The following IFFO2 variants were observed in gnomAD, a reference collection of about 807,000 sequenced individuals.
IFFO2 encodes the protein intermediate filament family orphan 2.
Under a neutral mutation model 53.5 loss-of-function variants are expected in IFFO2, and 19 were observed. The ratio of observed to expected loss-of-function variants is 0.36; its 90% CI spans 0.25 to 0.52. The LOEUF is 0.52. IFFO2 is among the 20% of genes least tolerant of loss of function. The pLI is 0.94. For missense variants in IFFO2, 570 were observed against 727.4 expected (o/e 0.78, Z 2.49); for synonymous variants, 303 against 313.6 (o/e 0.97, Z 0.36).
chr1:18,943,040 T>C (rs956204292), intron 1 of IFFO2, among the ~76,000 whole-genome samples: 3 of 152,010 alleles, frequency 2.0e-5, no homozygotes, highest in Non-Finnish European at 4.4e-5. Context: ...TAATATTTTA[T>C]TTAAAGGTAA....
chr1:18,929,392 A>G (rs1366169966), intron 1 of IFFO2, among the ~76,000 whole-genome samples: 1 of 152,214 alleles, frequency 6.6e-6, no homozygotes, highest in Non-Finnish European at 1.5e-5. Context: ...GGGCCCCCTC[A>G]GCAAGGACAC....
At position 18,920,323 on chromosome 1, in the gene IFFO2, A is replaced by G. The variant is rs1309107865; in HGVS notation, c.727-550T>C. Among the ~76,000 whole-genome samples, 4 of 152,240 alleles carry G rather than the reference A, an allele frequency of 2.6e-5. No homozygotes were observed. The East Asian group carries it at 7.7e-4, about 29-fold the overall frequency. The stretch of plus-strand genomic sequence containing the variant: ...AGCCCTTTCATTATAAAAGAAAGGG[A>G]GATATTCAACCTTTTCCTTCTACGC... On this transcript the variant is annotated intron_variant, in intron 2 of 8. Coordinates refer to ENST00000455833, the MANE Select transcript of IFFO2 (RefSeq NM_001136265.2).
At position 18,918,328 on chromosome 1, in the gene IFFO2, G is replaced by A; in HGVS notation, c.963+34C>T. The A allele has an allele frequency of 3.9e-6, 6 of 1,540,646 alleles. No homozygotes were observed. Among genetic ancestry groups the A allele is most frequent in the Non-Finnish European group, 5.3e-6 (6 of 1,137,904 alleles). Reference sequence around the variant, plus strand: ...GGCCAGGGCTGCTCTGGGAGAGTGGGGGGTTGGCTGGTGAGCAGGGCAGCC... The same window carrying A: ...GGCCAGGGCTGCTCTGGGAGAGTGGAGGGTTGGCTGGTGAGCAGGGCAGCC... On this transcript the variant is annotated intron_variant, in intron 4 of 8. Coordinates refer to ENST00000455833, the MANE Select transcript of IFFO2 (RefSeq NM_001136265.2). This position sits in a 1 kb window ranked among gnomAD's most constrained non-coding sequence, Gnocchi z 5.2.
intron 1 of IFFO2, among the ~76,000 whole-genome samples, chr1:18,929,537 G>A (rs1936344774): frequency 1.3e-5 from 2 of 152,170 alleles, no homozygotes; most frequent in Admixed American, 6.5e-5. Flanking sequence ...GATGAGCTGT[G>A]TGGGGTCATC....
In IFFO2 at chr1:18,919,808, C is replaced by T. The variant is rs1936191807; in HGVS notation, c.727-35G>A. ...CGGAGATGGGGAGGCTTCAGAGGGG[C>T]CGGGTCCTCTGGGGATAGGAGGGTC... On this transcript the variant is annotated intron_variant, in intron 2 of 8. Transcript: ENST00000455833. The surrounding 1 kb of genome is among the most constrained non-coding windows in gnomAD (Gnocchi z 4.9). The T allele has an allele frequency of 2.1e-6, 3 of 1,459,208 alleles. No homozygotes were observed. In the East Asian group the frequency reaches 7.4e-5, roughly 36 times the overall value. The allele number at this position is 1,459,208 out of a possible 1,614,324, so 90.4% of individuals were successfully genotyped here. A position where few individuals can be genotyped will look rare whatever the true frequency, so the allele number is the denominator to read the frequency against.
chr1:18,908,826 C>T (rs1053835374), intron 8 of IFFO2, among the ~76,000 whole-genome samples, 160 bp from the exon 9 acceptor site: 1 of 152,164 alleles, frequency 6.6e-6, no homozygotes, highest in Non-Finnish European at 1.5e-5. Context: ...ATCCTTTAAG[C>T]TCACGAGGTA....
intron 8 of IFFO2, among the ~76,000 whole-genome samples, chr1:18,908,986 G>A (rs755702399): frequency 2.6e-5 from 4 of 151,870 alleles, no homozygotes; most frequent in Non-Finnish European, 4.4e-5. Flanking sequence ...AGTAAAACCT[G>A]AATGACTCAG....
chr1:18,926,888 G>A (rs75847057), intron 1 of IFFO2, among the ~76,000 whole-genome samples: 5,832 of 152,238 alleles, frequency 0.038, 171 homozygotes, highest in Middle Eastern at 0.068. Context: ...CGAGGCTCCC[G>A]CTCAGGAGGA....
At chr1:18,927,885 G>A (rs1936324971) in intron 1 of IFFO2, among the ~76,000 whole-genome samples, 2 of 152,198 alleles carry the variant, frequency 1.3e-5, no homozygotes, top group Admixed American at 6.5e-5. Context: ...AACCACAACC[G>A]AGTCAACTTC....
At chr1:18,914,581 C>T (rs1936103283) in intron 5 of IFFO2, among the ~76,000 whole-genome samples, 1 of 151,956 alleles carries the variant, frequency 6.6e-6, no homozygotes, top group South Asian at 2.1e-4. Context: ...CTTCGGGAGG[C>T]CAAGGTGGGC....
At chr1:18,951,873 T>C (rs1267953455) in intron 1 of IFFO2, among the ~76,000 whole-genome samples, 1 of 152,058 alleles carries the variant, frequency 6.6e-6, no homozygotes, top group Admixed American at 6.5e-5. Flanking sequence ...GAACACAGTG[T>C]GGTCTCCAGA....
chr1:18,955,653 G>A lies in IFFO2; in HGVS notation c.665+15C>T, dbSNP rs1437290858. 10 of 1,559,044 alleles carry A rather than the reference G, an allele frequency of 6.4e-6. No individual in the cohort carries two copies. Among genetic ancestry groups the A allele is most frequent in the Non-Finnish European group, 8.6e-6 (10 of 1,157,940 alleles). ...CGCCCCGTCCCAGGGCGGCGGGGGA[G>A]GGGCGGCCACTCACCTCCGCTTATA... On this transcript the variant is annotated intron_variant, in intron 1 of 8. Transcript: ENST00000455833.
At position 18,916,873 on chromosome 1, in the gene IFFO2, G is replaced by A. The variant is rs1347377093; in HGVS notation, c.1103+30C>T. On this transcript the variant is annotated intron_variant, in intron 5 of 8. Transcript: ENST00000455833. This position sits in a 1 kb window ranked among gnomAD's most constrained non-coding sequence, Gnocchi z 4.3. Reference sequence around the variant, plus strand: ...CCCTGTGCAAGCAATCCGGGGAAACGGAGAGTGTGCGGGCCACGGGGATAC... The same window carrying A: ...CCCTGTGCAAGCAATCCGGGGAAACAGAGAGTGTGCGGGCCACGGGGATAC... The A allele has an allele frequency of 1.1e-5, 17 of 1,550,346 alleles. No homozygotes were observed. The highest frequency in any genetic ancestry group is 7.3e-5 in the East Asian group (3 of 40,910).
At chr1:18,940,998 C>T (rs768881870) in intron 1 of IFFO2, among the ~76,000 whole-genome samples, 3 of 152,118 alleles carry the variant, frequency 2.0e-5, no homozygotes, top group Admixed American at 6.5e-5. Context: ...GTGGTGGAAC[C>T]CAGTGGTGAT....
chr1:18,913,657 G>A (rs1464032212), intron 5 of IFFO2, among the ~76,000 whole-genome samples: 2 of 152,160 alleles, frequency 1.3e-5, no homozygotes, highest in Non-Finnish European at 2.9e-5. Context: ...ATCAGATCTG[G>A]CCAGGGGCAG....
Position 18,919,555 on chromosome 1 carries a change from T to A in IFFO2, c.822+123A>T. 1 of 699,966 alleles carries A rather than the reference T, an allele frequency of 1.4e-6. No homozygotes were observed. The highest frequency in any genetic ancestry group is 1.7e-5 in the South Asian group (1 of 59,566). The allele number at this position is 699,966 out of a possible 1,614,324, so 43.4% of individuals were successfully genotyped here. A position where few individuals can be genotyped will look rare whatever the true frequency, so the allele number is the denominator to read the frequency against. On this transcript the variant is annotated intron_variant, in intron 3 of 8. Coordinates refer to ENST00000455833, the MANE Select transcript of IFFO2 (RefSeq NM_001136265.2). The surrounding 1 kb of genome is among the most constrained non-coding windows in gnomAD (Gnocchi z 4.9). ...TCCAATGCATCCGTCATCCTCATGG[T>A]CAAACACAGCCAGCCAGGATTCTAA... is the stretch of plus-strand genomic sequence containing the variant.
chr1:18,927,535 C>G (rs574237718), intron 1 of IFFO2, among the ~76,000 whole-genome samples: 160 of 152,340 alleles, frequency 1.1e-3, no homozygotes, highest in African/African-American at 3.7e-3. Flanking sequence ...TGTGCTGGAG[C>G]CCGGCTGCTC....
chr1:18,942,840 C>CTTT (rs35473539), intron 1 of IFFO2, among the ~76,000 whole-genome samples: 12 of 135,188 alleles, frequency 8.9e-5, no homozygotes, highest in South Asian at 2.4e-4. Context: ...TATATTATTT[C>CTTT]TTTTTTTTTT....
chr1:18,917,146 G>A lies in IFFO2; in HGVS notation c.964-104C>T. The A allele has an allele frequency of 7.6e-7, 1 of 1,315,878 alleles. No homozygotes were observed. The highest frequency in any genetic ancestry group is 1.0e-6 in the Non-Finnish European group (1 of 962,214). 81.5% of individuals were successfully genotyped at this position (1,315,878 alleles called of 1,614,324 possible). A position where few individuals can be genotyped will look rare whatever the true frequency, so the allele number is the denominator to read the frequency against. ...CGGCATCTCACAGGATGATGAGCGT[G>A]ACTGGGGCCGGCCAGTGCCAGGAAA... On this transcript the variant is annotated intron_variant, in intron 4 of 8. Transcript: ENST00000455833. This position sits in a 1 kb window ranked among gnomAD's most constrained non-coding sequence, Gnocchi z 5.9.
Sources: gnomAD v4.1 joint callset for allele counts (sites outside exome capture counted in the v4.1 genomes callset) on GRCh38, gnomAD v4.1.1 for gene constraint, Gnocchi (gnomAD v3.1) non-coding constraint, MANE v1.5 for transcripts, NCBI Gene and HGNC (gene_info 2026-07-23, HGNC 2026-07-21) for gene names.